Variants in RASGEF1C observed in about 807,000 individuals in gnomAD.
The protein encoded by RASGEF1C is RasGEF domain family member 1C.
Under a neutral mutation model 58.1 loss-of-function variants are expected in RASGEF1C, and 27 were observed. The observed-to-expected ratio is 0.46, with a 90% confidence interval of 0.34 to 0.64. RASGEF1C has a LOEUF of 0.64. Among genes scored for constraint, RASGEF1C ranks in the 30% least tolerant of loss-of-function variants. The pLI is 0.01. For synonymous variants in RASGEF1C, 243 were observed against 246.3 expected (o/e 0.99, Z 0.13); for missense variants, 502 against 605.1 (o/e 0.83, Z 1.79).
chr5:180,129,358 G>A (rs1343645127), intron 4 of RASGEF1C, among the ~76,000 whole-genome samples: 2 of 152,152 alleles, frequency 1.3e-5, no homozygotes, highest in East Asian at 3.9e-4. Flanking sequence ...TTAGGCTTAG[G>A]GTTAAGCCAC....
At chr5:180,130,502 G>A (rs893233740) in intron 4 of RASGEF1C, among the ~76,000 whole-genome samples, 4 of 152,180 alleles carry the variant, frequency 2.6e-5, no homozygotes, top group South Asian at 2.1e-4. Context: ...AGAGTCCCAC[G>A]AGTGGCTACA....
At chr5:180,174,338 T>C (rs1332305222) in intron 1 of RASGEF1C, among the ~76,000 whole-genome samples, 1 of 152,162 alleles carries the variant, frequency 6.6e-6, no homozygotes, top group African/African-American at 2.4e-5. Flanking sequence ...CTGTTTTCTC[T>C]GGCTTCCCTC....
chr5:180,136,256 G>A (rs574890755), intron 4 of RASGEF1C, 122 bp downstream of exon 4: 2 of 1,057,318 alleles, frequency 1.9e-6, no homozygotes, highest in Non-Finnish European at 2.7e-6. Context: ...AAAGCGGCTG[G>A]ATTTGGACGG....
rs1361771640 is a variant in RASGEF1C, at chr5:180,118,789, C to T, written c.985G>A (p.Glu329Lys). The change falls in exon 9 of 14, where the codon GAG becomes AAG. Residue 329 changes from glutamate to lysine, a missense_variant and splice_region_variant. By Grantham distance (56) the Glu-to-Lys change is moderately conservative. Coordinates refer to ENST00000361132, the MANE Select transcript of RASGEF1C (RefSeq NM_175062.4). ...GGCAGCCCAGCAGCCTCATTTACCT[C>T]GAGGATGAAAAACTTGGCCGTCCTC... The part of the protein sequence containing the change: ...KVRTAKFFIL[E>K]HQMDPTGNFC... 7.4e-6 allele frequency: 12 copies of T among 1,614,080 alleles called. No homozygotes were observed. The highest frequency in any genetic ancestry group is 3.3e-5 in the Admixed American group (2 of 60,014).
chr5:180,135,837 G>T (rs1269124196), intron 4 of RASGEF1C, among the ~76,000 whole-genome samples: 1 of 152,220 alleles, frequency 6.6e-6, no homozygotes, highest in Non-Finnish European at 1.5e-5. Context: ...CTACCCTGAA[G>T]GTTTGCAGCT....
At position 180,186,282 on chromosome 5, in the gene RASGEF1C, C is replaced by G. The variant is rs555878640; in HGVS notation, c.-7+22746G>C. Among the ~76,000 whole-genome samples the G allele has an allele frequency of 2.6e-5, 4 of 152,098 alleles. No homozygotes were observed. In the South Asian group the frequency reaches 8.3e-4, roughly 32 times the overall value. On this transcript the variant is annotated intron_variant, in intron 1 of 13. Coordinates refer to ENST00000361132, the MANE Select transcript of RASGEF1C (RefSeq NM_175062.4). ...GGCATGATCCCATATATACAAAATC[C>G]TACAGAATCCACAAAGAAACTATTA... is the stretch of plus-strand genomic sequence containing the variant.
intron 1 of RASGEF1C, among the ~76,000 whole-genome samples, chr5:180,182,068 G>T (rs375284331): frequency 2.6e-5 from 4 of 151,880 alleles, no homozygotes; most frequent in Non-Finnish European, 5.9e-5. Flanking sequence ...AGCCGGGCAT[G>T]GTGGCGGGCG....
chr5:180,195,722 AC>A lies in RASGEF1C; in HGVS notation c.-7+13305del, dbSNP rs1756261593. 3.3e-5 allele frequency among the ~76,000 whole-genome samples: 5 copies of A among 150,948 alleles called. 1 individual carries two copies. In the South Asian group the frequency reaches 8.4e-4, roughly 25 times the overall value. On this transcript the variant is annotated intron_variant, in intron 1 of 13. Coordinates refer to ENST00000361132, the MANE Select transcript of RASGEF1C (RefSeq NM_175062.4). ...GCTTGCAGTGAGCCGAGATCACACC[AC>A]TACTGCACTCCAGCCTGGGCGACAG... is the stretch of plus-strand genomic sequence containing the variant.
At chr5:180,150,479 T>C (rs1766728151) in intron 1 of RASGEF1C, among the ~76,000 whole-genome samples, 1 of 152,048 alleles carries the variant, frequency 6.6e-6, no homozygotes, top group Non-Finnish European at 1.5e-5. Flanking sequence ...GACATTTGAC[T>C]CTTGCAATGT....
chr5:180,182,432 G>C (rs933624021), intron 1 of RASGEF1C, among the ~76,000 whole-genome samples: 1 of 152,156 alleles, frequency 6.6e-6, no homozygotes, highest in South Asian at 2.1e-4. Context: ...AAGACCAAAA[G>C]AACTCAGCTT....
At chr5:180,172,050 C>A (rs1207453597) in intron 1 of RASGEF1C, among the ~76,000 whole-genome samples, 3 of 152,350 alleles carry the variant, frequency 2.0e-5, no homozygotes, top group African/African-American at 7.2e-5. Flanking sequence ...TCTACCCTTA[C>A]ATTCATAGGA....
Position 180,197,867 on chromosome 5 carries a change from CT to C in RASGEF1C, c.-7+11160del, listed in dbSNP as rs1177415911. On this transcript the variant is annotated intron_variant, in intron 1 of 13. Transcript: ENST00000361132. This position sits in a 1 kb window ranked among gnomAD's most constrained non-coding sequence, Gnocchi z 4.7. ...CAAATGACCCAGGTAGATATTTCCT[CT>C]GCAGGGGCACTAATTAGCTGATTCC... Among the ~76,000 whole-genome samples the C allele has an allele frequency of 6.6e-6, 1 of 152,254 alleles. No individual in the cohort carries two copies. The highest frequency in any genetic ancestry group is 1.5e-5 in the Non-Finnish European group (1 of 68,048).
intron 4 of RASGEF1C, among the ~76,000 whole-genome samples, chr5:180,130,513 C>T (rs1766348346): frequency 6.6e-6 from 1 of 152,228 alleles, no homozygotes; most frequent in African/African-American, 2.4e-5. Flanking sequence ...AGTGGCTACA[C>T]CTGCTGTTTC....
At chr5:180,113,677 T>C (rs111161632) in intron 11 of RASGEF1C, among the ~76,000 whole-genome samples, 46,749 of 63,258 alleles carry the variant, frequency 0.74, 20,173 homozygotes, top group South Asian at 0.88. Context: ...CGGGGATGGA[T>C]GGAGGGATCG....
chr5:180,160,095 C>A (rs964570042), intron 1 of RASGEF1C, among the ~76,000 whole-genome samples: 1 of 152,222 alleles, frequency 6.6e-6, no homozygotes, highest in African/African-American at 2.4e-5. Context: ...GTTTATCCCA[C>A]GGAAGGTGCA....
At chr5:180,101,988 G>A (rs1345702360) in intron 13 of RASGEF1C, 83 bp downstream of exon 13, 11 of 918,630 alleles carry the variant, frequency 1.2e-5, no homozygotes, top group African/African-American at 6.6e-5. Context: ...AGCAGTCCCC[G>A]GGTCCCACCT....
At chr5:180,106,736 G>A (rs1225735753) in intron 12 of RASGEF1C, among the ~76,000 whole-genome samples, 3 of 152,158 alleles carry the variant, frequency 2.0e-5, no homozygotes, top group African/African-American at 7.2e-5. Flanking sequence ...AAAAATGTGT[G>A]TTCTACTGCA....
intron 1 of RASGEF1C, among the ~76,000 whole-genome samples, chr5:180,150,926 A>G (rs1190615769): frequency 6.6e-6 from 1 of 151,478 alleles, no homozygotes; most frequent in Non-Finnish European, 1.5e-5. Context: ...CCAATAACAG[A>G]CAAACAGAGA....
chr5:180,145,696 G>A (rs1039331497), intron 1 of RASGEF1C, among the ~76,000 whole-genome samples: 9 of 152,114 alleles, frequency 5.9e-5, no homozygotes, highest in African/African-American at 1.9e-4. Flanking sequence ...AATTGGTTCC[G>A]TGACAGGATG....
Sources: gnomAD v4.1 joint callset for allele counts (sites outside exome capture counted in the v4.1 genomes callset) on GRCh38, gnomAD v4.1.1 for gene constraint, Gnocchi (gnomAD v3.1) non-coding constraint, MANE v1.5 for transcripts, NCBI Gene and HGNC (gene_info 2026-07-23, HGNC 2026-07-21) for gene names.